The following MACROD2 variants were observed in gnomAD, a reference collection of about 807,000 sequenced individuals.
The protein encoded by MACROD2 is mono-ADP ribosylhydrolase 2, also known as ADP-ribose glycohydrolase MACROD2.
In MACROD2, 36 loss-of-function variants were observed where a neutral mutation model predicts 70.4. That is an observed-to-expected ratio of 0.51 (90% CI 0.39 to 0.68). The LOEUF (loss-of-function observed/expected upper bound fraction) is 0.68. MACROD2 is among the 30% of genes least tolerant of loss of function. MACROD2 has a pLI of 0.00. For missense variants in MACROD2, 496 were observed against 538.4 expected, an observed-to-expected ratio of 0.92 and a Z score of 0.78; for synonymous variants, 172 against 178.8, an observed-to-expected ratio of 0.96 and a Z score of 0.30.
At chr20:14,675,626 C>T (rs1228002819) in intron 4 of MACROD2, among the ~76,000 whole-genome samples, 1 of 152,150 alleles carries the variant, frequency 6.6e-6, no homozygotes, top group Non-Finnish European at 1.5e-5. Context: ...ACCATCAACA[C>T]TATGAAGAAA....
chr20:14,348,278 A>AATAAAT (rs1555784023), intron 3 of MACROD2, among the ~76,000 whole-genome samples: 5,273 of 143,966 alleles, frequency 0.037, 151 homozygotes, highest in Non-Finnish European at 0.054. Flanking sequence ...CAAAAAAAAA[A>AATAAAT]AAATAAATAA....
chr20:15,124,350 G>T (rs1303473459), intron 5 of MACROD2, among the ~76,000 whole-genome samples: 5 of 144,252 alleles, frequency 3.5e-5, no homozygotes, highest in East Asian at 2.0e-4. Flanking sequence ...TAATTTCCTA[G>T]TTTTTTTTTT....
intron 8 of MACROD2, among the ~76,000 whole-genome samples, chr20:15,571,027 T>C (rs1299701142): frequency 6.6e-6 from 1 of 152,216 alleles, no homozygotes; most frequent in South Asian, 2.1e-4. Context: ...TTATCATCTT[T>C]TCTTGTACCC....
At chr20:14,049,174 T>TA (rs71335946) in intron 2 of MACROD2, among the ~76,000 whole-genome samples, 5,791 of 69,742 alleles carry the variant, frequency 0.083, 432 homozygotes, top group African/African-American at 0.22. Context: ...ATATATTTAA[T>TA]AAAAAAAAAA....
At chr20:14,962,666 T>G (rs2074595256) in intron 5 of MACROD2, among the ~76,000 whole-genome samples, 1 of 151,758 alleles carries the variant, frequency 6.6e-6, no homozygotes, top group Non-Finnish European at 1.5e-5. Context: ...CTCCTCTTCT[T>G]CCTTTTCTTC....
At chr20:16,018,114 G>A (rs1423766371) in intron 15 of MACROD2, among the ~76,000 whole-genome samples, 1 of 152,176 alleles carries the variant, frequency 6.6e-6, no homozygotes, top group East Asian at 1.9e-4. Context: ...ATGGAGCACA[G>A]AAGGTAAAAT....
intron 5 of MACROD2, among the ~76,000 whole-genome samples, chr20:15,036,161 A>G (rs1300920543): frequency 2.6e-5 from 4 of 152,156 alleles, no homozygotes; most frequent in Non-Finnish European, 1.5e-5. Context: ...CTTTTTCATT[A>G]GAACTTGCTT....
chr20:14,709,854 C>T (rs778989473), intron 5 of MACROD2, among the ~76,000 whole-genome samples: 9 of 152,062 alleles, frequency 5.9e-5, no homozygotes, highest in African/African-American at 2.2e-4. Context: ...GGAAAATGTA[C>T]CTCTTTCTGA....
intron 3 of MACROD2, among the ~76,000 whole-genome samples, chr20:14,186,841 A>C (rs1199060646): frequency 2.0e-5 from 3 of 152,188 alleles, no homozygotes; most frequent in Non-Finnish European, 2.9e-5. Flanking sequence ...GAACTAACAC[A>C]GAAATAGAAA....
intron 3 of MACROD2, among the ~76,000 whole-genome samples, chr20:14,122,164 A>G (rs2054596809): frequency 6.6e-6 from 1 of 152,172 alleles, no homozygotes; most frequent in Admixed American, 6.5e-5. Context: ...ACATCACTAT[A>G]TTATGCATGC....
At chr20:15,709,633 C>T (rs905466558) in intron 8 of MACROD2, among the ~76,000 whole-genome samples, 4 of 152,146 alleles carry the variant, frequency 2.6e-5, no homozygotes, top group African/African-American at 9.7e-5. Context: ...CACCACTGCA[C>T]TCCCGCCTAG....
At chr20:15,837,294 A>G (rs982462123) in intron 8 of MACROD2, among the ~76,000 whole-genome samples, 49 of 152,178 alleles carry the variant, frequency 3.2e-4, no homozygotes, top group African/African-American at 1.1e-3. Context: ...GGGTAATCGG[A>G]TCTTTTAAAA....
intron 8 of MACROD2, among the ~76,000 whole-genome samples, chr20:15,702,130 G>A (rs2050469366): frequency 6.6e-6 from 1 of 152,162 alleles, no homozygotes; most frequent in Non-Finnish European, 1.5e-5. Context: ...GAACATACAA[G>A]TGCATGCATC....
At chr20:14,556,089 T>G (rs1216917064) in intron 4 of MACROD2, among the ~76,000 whole-genome samples, 3 of 152,094 alleles carry the variant, frequency 2.0e-5, no homozygotes, top group African/African-American at 7.2e-5. Flanking sequence ...ACAAAAGGAA[T>G]AATCTGGTAC....
chr20:14,535,499 C>A lies in MACROD2; in HGVS notation c.301+41991C>A, dbSNP rs532605994. Among the ~76,000 whole-genome samples the A allele has an allele frequency of 5.9e-5, 6 of 102,136 alleles. No individual in the cohort carries two copies. The East Asian group carries it at 1.6e-3, about 27-fold the overall frequency. 67.0% of individuals were successfully genotyped at this position (102,136 alleles called of 152,430 possible). Reference sequence around the variant, plus strand: ...CAGCCTGTGCAACAAGAGTGAAACTCCGTCTCAAAAAAAAAAAAAAAAAAA... The same window carrying A: ...CAGCCTGTGCAACAAGAGTGAAACTACGTCTCAAAAAAAAAAAAAAAAAAA... On this transcript the variant is annotated intron_variant, in intron 4 of 17. Coordinates refer to ENST00000684519, the MANE Select transcript of MACROD2 (RefSeq NM_001351661.2).
At chr20:14,918,690 C>T (rs1445797068) in intron 5 of MACROD2, among the ~76,000 whole-genome samples, 1 of 148,444 alleles carries the variant, frequency 6.7e-6, no homozygotes, top group Non-Finnish European at 1.5e-5. Flanking sequence ...AATGTCTCCT[C>T]TATCCCACAC....
At chr20:14,467,073 A>C (rs1286955747) in intron 3 of MACROD2, among the ~76,000 whole-genome samples, 1 of 152,116 alleles carries the variant, frequency 6.6e-6, no homozygotes, top group East Asian at 1.9e-4. Context: ...TCAGACAGGG[A>C]CATTTAAGTC....
At chr20:14,110,656 A>G (rs1391286186) in intron 3 of MACROD2, among the ~76,000 whole-genome samples, 1 of 151,908 alleles carries the variant, frequency 6.6e-6, no homozygotes. Flanking sequence ...TTAAATACCT[A>G]GGAATTAAAG....
intron 6 of MACROD2, among the ~76,000 whole-genome samples, chr20:15,302,538 G>A (rs180817182): frequency 6.6e-6 from 1 of 151,040 alleles, no homozygotes; most frequent in East Asian, 2.0e-4. Context: ...AAATATTATG[G>A]ATGTATCACA....
Sources: gnomAD v4.1 joint callset for allele counts (sites outside exome capture counted in the v4.1 genomes callset) on GRCh38, gnomAD v4.1.1 for gene constraint, MANE v1.5 for transcripts, NCBI Gene and HGNC (gene_info 2026-07-23, HGNC 2026-07-21) for gene names.